GLIS3: variants seen among roughly 807,000 people sequenced by gnomAD.
The protein encoded by GLIS3 is zinc finger protein GLIS3.
GLIS3 carries 53 observed loss-of-function variants against 78.6 expected under a neutral mutation model. That is an observed-to-expected ratio of 0.67 (90% CI 0.54 to 0.85). The LOEUF (loss-of-function observed/expected upper bound fraction) is 0.85. Ranked by LOEUF, GLIS3 falls within the 40% of genes least tolerant of loss-of-function variation. The probability of loss-of-function intolerance (pLI) is 0.00; values close to 1 mark genes in which losing one functional copy is unlikely to be tolerated. For synonymous variants in GLIS3, 684 were observed against 509.9 expected (o/e 1.34, Z -4.60); for missense variants, 1,703 against 1,231.1 (o/e 1.38, Z -5.74).
chr9:4,020,794 A>G (rs965278468), intron 4 of GLIS3, among the ~76,000 whole-genome samples: 1 of 152,248 alleles, frequency 6.6e-6, no homozygotes, highest in African/African-American at 2.4e-5. Flanking sequence ...AATTACCAGC[A>G]GCACACATGG....
At chr9:3,912,030 T>C (rs1824188784) in intron 6 of GLIS3, among the ~76,000 whole-genome samples, 1 of 152,160 alleles carries the variant, frequency 6.6e-6, no homozygotes. Context: ...TACAGGTTCA[T>C]ATCTCAGCTC....
chr9:4,488,514 C>T, the GLIS3 span, among the ~76,000 whole-genome samples: 1 of 137,054 alleles, frequency 7.3e-6, no homozygotes, highest in Non-Finnish European at 1.6e-5. Context: ...CTCTCGCGCA[C>T]GCTCTCTCTC....
chr9:4,025,922 T>C (rs1295758621), intron 4 of GLIS3, among the ~76,000 whole-genome samples: 1 of 152,096 alleles, frequency 6.6e-6, no homozygotes, highest in Non-Finnish European at 1.5e-5. Context: ...TATTGAGAAA[T>C]AATAGAGAAA....
At chr9:4,243,013 G>C (rs774260705) in intron 2 of GLIS3, among the ~76,000 whole-genome samples, 2 of 152,062 alleles carry the variant, frequency 1.3e-5, no homozygotes, top group African/African-American at 4.8e-5. Flanking sequence ...ACATCAATGA[G>C]GTTTTAGTAT....
At chr9:4,059,825 T>TGAGAGA (rs1469909194) in intron 4 of GLIS3, among the ~76,000 whole-genome samples, 214 of 120,234 alleles carry the variant, frequency 1.8e-3, no homozygotes, top group African/African-American at 6.6e-3. Context: ...TGTGTGTGTG[T>TGAGAGA]GTGTGAGAGA....
At chr9:3,877,931 A>C (rs1307563794) in intron 8 of GLIS3, among the ~76,000 whole-genome samples, 2 of 152,040 alleles carry the variant, frequency 1.3e-5, no homozygotes, top group Non-Finnish European at 2.9e-5. Flanking sequence ...ATGGTTCTTC[A>C]CTCCTAGCAG....
chr9:4,033,272 A>C (rs73390430), intron 4 of GLIS3, among the ~76,000 whole-genome samples: 10,788 of 152,164 alleles, frequency 0.071, 563 homozygotes, highest in African/African-American at 0.14. Context: ...TTATAGCATA[A>C]AGGGTATTTC....
chr9:4,300,382 G>A (rs1285449012), upstream of GLIS3, among the ~76,000 whole-genome samples: 3 of 150,854 alleles, frequency 2.0e-5, no homozygotes, highest in Non-Finnish European at 4.4e-5. Context: ...AGGATTTGAT[G>A]TCAGGTCATA....
chr9:4,198,559 T>C (rs138600965), intron 2 of GLIS3, among the ~76,000 whole-genome samples: 180 of 152,188 alleles, frequency 1.2e-3, no homozygotes, highest in Non-Finnish European at 2.0e-3. Context: ...TGGGATTATG[T>C]AAATAAACTG....
At chr9:4,444,614 C>G in the GLIS3 span, among the ~76,000 whole-genome samples, 44 of 152,266 alleles carry the variant, frequency 2.9e-4, 1 homozygote, top group Middle Eastern at 0.02. Flanking sequence ...ATAACTTTGC[C>G]GATTATCATG....
At chr9:3,886,491 T>G (rs1194401101) in intron 7 of GLIS3, among the ~76,000 whole-genome samples, 1 of 152,218 alleles carries the variant, frequency 6.6e-6, no homozygotes, top group Non-Finnish European at 1.5e-5. Flanking sequence ...AACACAATTG[T>G]CCCTCTTGAA....
At chr9:4,288,227 G>A (rs1828162681) in intron 1 of GLIS3, among the ~76,000 whole-genome samples, 1 of 152,164 alleles carries the variant, frequency 6.6e-6, no homozygotes, top group African/African-American at 2.4e-5. Flanking sequence ...TACTTTGCCA[G>A]ATAAAATTGG....
At chr9:4,208,570 C>A (rs535926883) in intron 2 of GLIS3, among the ~76,000 whole-genome samples, 1 of 152,146 alleles carries the variant, frequency 6.6e-6, no homozygotes, top group African/African-American at 2.4e-5. Context: ...TCTGAAGGCC[C>A]GTTTGGGAGA....
intron 2 of GLIS3, among the ~76,000 whole-genome samples, chr9:4,127,066 C>A (rs938874146): frequency 6.6e-6 from 1 of 152,078 alleles, no homozygotes; most frequent in East Asian, 1.9e-4. Flanking sequence ...AAGAGCCCCC[C>A]AAAACAATAG....
At chr9:4,180,064 C>T (rs1484046931) in intron 2 of GLIS3, among the ~76,000 whole-genome samples, 1 of 152,172 alleles carries the variant, frequency 6.6e-6, no homozygotes, top group Non-Finnish European at 1.5e-5. Flanking sequence ...GACTTAGAGA[C>T]TCCGCCACCT....
At chr9:4,485,670 A>T in the GLIS3 span, among the ~76,000 whole-genome samples, 1 of 150,786 alleles carries the variant, frequency 6.6e-6, no homozygotes, top group Non-Finnish European at 1.5e-5. Context: ...GCAAGAACCC[A>T]TCAGGGGATT....
chr9:4,157,133 G>A (rs190491746), intron 2 of GLIS3, among the ~76,000 whole-genome samples: 25 of 152,322 alleles, frequency 1.6e-4, no homozygotes, highest in African/African-American at 5.3e-4. Flanking sequence ...TCAGAAAGGT[G>A]CGTGCGGTAA....
chr9:4,008,294 G>C (rs370478828), intron 4 of GLIS3, among the ~76,000 whole-genome samples: 1 of 152,072 alleles, frequency 6.6e-6, no homozygotes, highest in African/African-American at 2.4e-5. Context: ...TGAACCGCTT[G>C]GCCATGACAA....
chr9:4,292,148 A>T (rs1489945869), intron 1 of GLIS3, among the ~76,000 whole-genome samples: 1 of 152,174 alleles, frequency 6.6e-6, no homozygotes, highest in African/African-American at 2.4e-5. Flanking sequence ...TCTACATTCA[A>T]TGAAGTATTC....
Sources: allele counts gnomAD v4.1 joint callset (sites outside exome capture counted in the v4.1 genomes callset), GRCh38; gene constraint gnomAD v4.1.1; transcripts MANE v1.5; gene names NCBI Gene and HGNC (gene_info 2026-07-23, HGNC 2026-07-21).